The following WDR49 variants were observed in gnomAD, a reference collection of about 807,000 sequenced individuals.
WDR49 encodes the protein WD repeat domain 49.
WDR49 carries 107 observed loss-of-function variants against 119.5 expected under a neutral mutation model. The observed-to-expected ratio is 0.90, with a 90% CI of 0.77 to 1.05. The LOEUF (loss-of-function observed/expected upper bound fraction) is 1.05, where lower values mean the gene tolerates loss of function less well. Ranked by LOEUF, WDR49 falls within the 50% of genes least tolerant of loss-of-function variation. WDR49 has a pLI of 0.00. For missense variants in WDR49, 1,240 were observed against 1,220.5 expected (o/e 1.02, Z -0.24); for synonymous variants, 425 against 418.8 (o/e 1.01, Z -0.18).
intron 8 of WDR49, among the ~76,000 whole-genome samples, chr3:167,570,935 T>C (rs1368450348): frequency 3.3e-5 from 5 of 151,082 alleles, no homozygotes; most frequent in Admixed American, 1.3e-4. Flanking sequence ...ACTCAGGAGG[T>C]TGAGGTAGGA....
intron 5 of WDR49, 66 bp downstream of exon 5, chr3:167,620,363 A>G: frequency 7.1e-7 from 1 of 1,409,950 alleles, no homozygotes; most frequent in Non-Finnish European, 9.3e-7. Context: ...AAGCATTTTC[A>G]TCAAAGAATA....
chr3:167,657,089 T>TC (rs1718622217), upstream of WDR49, among the ~76,000 whole-genome samples: 1 of 152,112 alleles, frequency 6.6e-6, no homozygotes, highest in Non-Finnish European at 1.5e-5. Context: ...GCTCTCTCCT[T>TC]CCCCCACAAT....
intron 2 of WDR49, among the ~76,000 whole-genome samples, chr3:167,649,431 C>T (rs1308610141): frequency 6.6e-6 from 1 of 152,180 alleles, no homozygotes; most frequent in Non-Finnish European, 1.5e-5. Context: ...AGTTCATAGA[C>T]CCTGCTGTAG....
chr3:167,606,333 A>C (rs1449652495), intron 5 of WDR49, among the ~76,000 whole-genome samples: 1 of 152,174 alleles, frequency 6.6e-6, no homozygotes, highest in African/African-American at 2.4e-5. Flanking sequence ...CACTATACTC[A>C]TAAAGTCCAA....
intron 5 of WDR49, among the ~76,000 whole-genome samples, chr3:167,612,570 G>A (rs1716390851): frequency 6.6e-6 from 1 of 151,734 alleles, no homozygotes; most frequent in Non-Finnish European, 1.5e-5. Context: ...CAAAGCTTTA[G>A]CCAGATTAAG....
rs1160330949 is a variant in WDR49, at chr3:167,626,942, C to T, written c.516G>A (p.Lys172=). 7.6e-7 allele frequency: 1 copy of T among 1,318,722 alleles called. No individual in the cohort carries two copies. The highest frequency in any genetic ancestry group is 9.7e-7 in the Non-Finnish European group (1 of 1,035,058). 81.7% of individuals were successfully genotyped at this position (1,318,722 alleles called of 1,614,324 possible). A position where few individuals can be genotyped will look rare whatever the true frequency, so the allele number is the denominator to read the frequency against. ...AAGTGATGGGGAATGTTTCTTGCAG[C>T]TTTAAATGCTCTCCCCAGATTGCCA... The part of the protein sequence containing the change: ...GLLAIWGEHL[K]LQETFPITSD... The change falls in exon 3 of 19, where the codon AAG becomes AAA. Residue 172 remains lysine, a synonymous_variant. Coordinates refer to ENST00000682715, the MANE Select transcript of WDR49 (RefSeq NM_001366157.1).
intron 7 of WDR49, 93 bp downstream of exon 7, chr3:167,602,034 C>T (rs973705028): frequency 7.1e-7 from 1 of 1,413,168 alleles, no homozygotes; most frequent in Admixed American, 2.1e-5. Flanking sequence ...TAAAAACTGA[C>T]ACGATCTCTC....
At chr3:167,523,008 A>T (rs1468183997) in intron 15 of WDR49, among the ~76,000 whole-genome samples, 1 of 152,168 alleles carries the variant, frequency 6.6e-6, no homozygotes, top group Non-Finnish European at 1.5e-5. Context: ...GTTCCCCATT[A>T]ACAATCTATT....
intron 8 of WDR49, among the ~76,000 whole-genome samples, chr3:167,574,808 C>A (rs1282893862): frequency 1.3e-5 from 2 of 152,190 alleles, no homozygotes; most frequent in Admixed American, 6.5e-5. Flanking sequence ...CTCTTGGAAG[C>A]AAATACATCT....
intron 18 of WDR49, among the ~76,000 whole-genome samples, chr3:167,498,091 C>T (rs991928265): frequency 1.3e-5 from 2 of 152,086 alleles, no homozygotes; most frequent in African/African-American, 2.4e-5. Context: ...CCACCTGCCT[C>T]GGTCTCCCAA....
chr3:167,586,290 C>T (rs974540158), intron 7 of WDR49, among the ~76,000 whole-genome samples: 3 of 152,184 alleles, frequency 2.0e-5, no homozygotes, highest in African/African-American at 7.2e-5. Flanking sequence ...ATCTTTTTTA[C>T]TCCCCATGGT....
chr3:167,560,255 A>G, intron 8 of WDR49, 27 bp from the exon 9 acceptor site: 1 of 1,596,816 alleles, frequency 6.3e-7, no homozygotes, highest in Non-Finnish European at 8.5e-7. Flanking sequence ...TTTTAAAGAA[A>G]TTAAATATAG....
intron 3 of WDR49, among the ~76,000 whole-genome samples, chr3:167,623,498 A>G (rs1716964909): frequency 6.6e-6 from 1 of 152,044 alleles, no homozygotes; most frequent in African/African-American, 2.4e-5. Flanking sequence ...CATTTTCATG[A>G]TAAAAACACT....
rs181334715 is a variant in WDR49, at chr3:167,598,175, G to A, written c.1275+3952C>T. On this transcript the variant is annotated intron_variant, in intron 7 of 18. Coordinates refer to ENST00000682715, the MANE Select transcript of WDR49 (RefSeq NM_001366157.1). ...AAAGAATTAGCTGGGCATGGTGGCA[G>A]GTGCCTGTAGTCTCAGCTACTCTGG... Among the ~76,000 whole-genome samples, 11 of 152,070 alleles carry A rather than the reference G, an allele frequency of 7.2e-5. No homozygotes were observed. In the East Asian group the frequency reaches 2.1e-3, roughly 29 times the overall value.
intron 16 of WDR49, among the ~76,000 whole-genome samples, chr3:167,516,232 A>G (rs1283220544): frequency 6.6e-6 from 1 of 151,102 alleles, no homozygotes; most frequent in East Asian, 1.9e-4. Flanking sequence ...TATATCTCCA[A>G]ATGCTATCCC....
chr3:167,494,313 T>C (rs1249112142), intron 18 of WDR49, among the ~76,000 whole-genome samples: 2 of 152,212 alleles, frequency 1.3e-5, no homozygotes, highest in Non-Finnish European at 2.9e-5. Context: ...GCCTTCAGTC[T>C]AGCCCCATTA....
intron 17 of WDR49, among the ~76,000 whole-genome samples, chr3:167,502,377 A>T (rs1751605729): frequency 6.6e-6 from 1 of 152,196 alleles, no homozygotes; most frequent in Non-Finnish European, 1.5e-5. Context: ...TGGTAACAAG[A>T]GTGGGGCATT....
rs78453272 is a variant in WDR49 at position 167,512,227 on chromosome 3, C to G, written c.2775-6811G>C. 8.1e-3 allele frequency among the ~76,000 whole-genome samples: 1,233 copies of G among 152,256 alleles called. 7 individuals carry two copies. Among genetic ancestry groups the G allele is most frequent in the Non-Finnish European group, 0.013 (854 of 68,004 alleles). On this transcript the variant is annotated intron_variant, in intron 16 of 18. Transcript: ENST00000682715. Reference sequence around the variant, plus strand: ...CCACTGGCATCAGGTCAGTGCACCTCCAGGATGGATCTCCCAGGGGAAGGA... The same window carrying G: ...CCACTGGCATCAGGTCAGTGCACCTGCAGGATGGATCTCCCAGGGGAAGGA...
chr3:167,552,823 T>A (rs1048766256), intron 10 of WDR49, among the ~76,000 whole-genome samples: 3 of 152,120 alleles, frequency 2.0e-5, no homozygotes, highest in Non-Finnish European at 4.4e-5. Flanking sequence ...AGTACTTTAC[T>A]CAAAAATGTA....
Sources: allele counts gnomAD v4.1 joint callset (sites outside exome capture counted in the v4.1 genomes callset), GRCh38; gene constraint gnomAD v4.1.1; transcripts MANE v1.5; gene names NCBI Gene and HGNC (gene_info 2026-07-23, HGNC 2026-07-21).